Variants in INTS6 observed in about 807,000 individuals in gnomAD.
The protein encoded by INTS6 is DEAD box protein.
In INTS6, 16 loss-of-function variants were observed where a neutral mutation model predicts 104.9. The ratio of observed to expected loss-of-function variants is 0.15; its 90% confidence interval spans 0.10 to 0.23. INTS6 has a LOEUF of 0.23. INTS6 is among the 10% of genes least tolerant of loss of function. The pLI is 1.00. For synonymous variants in INTS6, 324 were observed against 358.7 expected (o/e 0.90, Z 1.09); for missense variants, 584 against 1,062.8 (o/e 0.55, Z 6.26).
chr13:51,345,485 T>G, the INTS6 span, among the ~76,000 whole-genome samples: 2 of 150,292 alleles, frequency 1.3e-5, no homozygotes, highest in Non-Finnish European at 3.0e-5. Context: ...TCCCAGCTAC[T>G]CGGGGAGGCT....
At chr13:51,344,508 A>T in the INTS6 span, 2 of 1,531,640 alleles carry the variant, frequency 1.3e-6, no homozygotes, top group Non-Finnish European at 1.8e-6. Context: ...TGTACATTTC[A>T]ACAAGGCTAA....
intron 3 of INTS6, chr13:51,440,585 C>T (rs1952778142): frequency 1.3e-5 from 2 of 152,118 alleles, no homozygotes; most frequent in African/African-American, 4.8e-5. Flanking sequence ...TGGTAAGTGC[C>T]CTATCTAGGT....
chr13:51,451,913 G>A (rs1953063410), intron 2 of INTS6, 65 bp downstream of exon 2: 10 of 1,190,192 alleles, frequency 8.4e-6, no homozygotes, highest in Non-Finnish European at 1.1e-5. Flanking sequence ...TGGGGGGGCG[G>A]GGAGGGCGAG....
chr13:51,391,169 G>A (rs997217676), intron 5 of INTS6, among the ~76,000 whole-genome samples: 1 of 151,982 alleles, frequency 6.6e-6, no homozygotes, highest in African/African-American at 2.4e-5. Flanking sequence ...TCCATAAAAA[G>A]GCTAACCATC....
chr13:51,426,330 GCAC>G (rs1250145842), intron 4 of INTS6, among the ~76,000 whole-genome samples: 1 of 151,906 alleles, frequency 6.6e-6, no homozygotes. Context: ...AGACAATATG[GCAC>G]CACATTTTTC....
intron 5 of INTS6, among the ~76,000 whole-genome samples, chr13:51,394,683 C>T (rs929099989): frequency 5.9e-5 from 9 of 152,072 alleles, no homozygotes; most frequent in African/African-American, 1.7e-4. Flanking sequence ...AAGCATGGAA[C>T]GATACTTGGT....
chr13:51,429,159 A>G (rs1281073158), intron 4 of INTS6, among the ~76,000 whole-genome samples: 1 of 152,116 alleles, frequency 6.6e-6, no homozygotes. Context: ...ACATGCCCTG[A>G]CTCCATGTCC....
At chr13:51,372,304 A>AG (rs2137876756) in intron 15 of INTS6, among the ~76,000 whole-genome samples, 1 of 132,870 alleles carries the variant, frequency 7.5e-6, no homozygotes, top group East Asian at 2.4e-4. Flanking sequence ...TTGATTGAAC[A>AG]GTTTTTTTTT....
intron 5 of INTS6, among the ~76,000 whole-genome samples, chr13:51,390,825 T>A (rs1458480610): frequency 1.3e-5 from 2 of 152,112 alleles, no homozygotes; most frequent in Admixed American, 1.3e-4. Flanking sequence ...TTACTGAGTA[T>A]CTACGTGCCT....
At chr13:51,410,465 A>T (rs1011234547) in intron 4 of INTS6, among the ~76,000 whole-genome samples, 2 of 152,222 alleles carry the variant, frequency 1.3e-5, no homozygotes, top group Admixed American at 6.5e-5. Flanking sequence ...CAATGAGGAA[A>T]TGATAATCTC....
intron 4 of INTS6, among the ~76,000 whole-genome samples, chr13:51,397,616 T>C (rs983811259): frequency 1.6e-4 from 24 of 152,198 alleles, no homozygotes; most frequent in Non-Finnish European, 1.5e-5. Flanking sequence ...CATCTCCTTT[T>C]ACCCTTTAAA....
At chr13:51,373,772 A>G (rs1370115035) in intron 15 of INTS6, among the ~76,000 whole-genome samples, 1 of 152,202 alleles carries the variant, frequency 6.6e-6, no homozygotes, top group Non-Finnish European at 1.5e-5. Context: ...CATACTTCCA[A>G]TATCTGTTCA....
At chr13:51,340,310 A>G in the INTS6 span, among the ~76,000 whole-genome samples, 17 of 152,192 alleles carry the variant, frequency 1.1e-4, no homozygotes, top group Admixed American at 1.1e-3. Flanking sequence ...ATTATTTTCT[A>G]GTTAATGATC....
chr13:51,398,576 A>AT (rs992084458), intron 4 of INTS6, among the ~76,000 whole-genome samples: 12 of 152,122 alleles, frequency 7.9e-5, no homozygotes, highest in African/African-American at 2.9e-4. Context: ...ATATAAAGCA[A>AT]TAGGAACTCT....
intron 12 of INTS6, 146 bp from the exon 13 acceptor site, chr13:51,376,320 C>T (rs1955930109): frequency 3.4e-6 from 2 of 587,842 alleles, no homozygotes; most frequent in African/African-American, 3.8e-5. Flanking sequence ...ATGATATAAT[C>T]TTAATGTACC....
intron 3 of INTS6, chr13:51,448,282 A>G (rs1042002719): frequency 6.6e-6 from 1 of 152,238 alleles, no homozygotes; most frequent in African/African-American, 2.4e-5. Context: ...TTTATCTGCA[A>G]TGATATGCAA....
rs748091789 is a variant in INTS6 at position 51,376,084 on chromosome 13, T to C, written c.1693A>G (p.Lys565Glu). The C allele has an allele frequency of 1.9e-6, 3 of 1,611,570 alleles. No individual in the cohort carries two copies. The East Asian group carries it at 6.7e-5, about 36-fold the overall frequency. Residue 565 changes from lysine to glutamate, a missense_variant, in exon 13 of 18, where the codon AAG (lysine) becomes GAG (glutamate). By Grantham distance (56) the Lys-to-Glu change is moderately conservative. Transcript: ENST00000311234. ...HLTRMRSNLL[K>E]STRRFLKGQD... Reference sequence around the variant, plus strand: ...CCTTTCAGAAATCTGCGAGTGCTCTTCAAAAGATTAGATCTCATTCTTGTT... The same window carrying C: ...CCTTTCAGAAATCTGCGAGTGCTCTCCAAAAGATTAGATCTCATTCTTGTT...
chr13:51,449,443 T>TCA, intron 3 of INTS6: 1 of 982,108 alleles, frequency 1.0e-6, no homozygotes, highest in Non-Finnish European at 1.2e-6. Flanking sequence ...ACAAATGTCC[T>TCA]CAGCCTCTCC....
the INTS6 span, among the ~76,000 whole-genome samples, chr13:51,338,450 GAT>G: frequency 6.5e-4 from 3 of 4,642 alleles, no homozygotes; most frequent in Non-Finnish European, 2.5e-3. Flanking sequence ...TGGATAGGTG[GAT>G]GGATGGATGG....
Sources: allele counts gnomAD v4.1 joint callset (sites outside exome capture counted in the v4.1 genomes callset), GRCh38; gene constraint gnomAD v4.1.1; transcripts MANE v1.5; gene names NCBI Gene and HGNC (gene_info 2026-07-23, HGNC 2026-07-21).